The following CEP72 variants were observed in gnomAD, a reference collection of about 807,000 sequenced individuals.
The protein encoded by CEP72 is centrosomal protein 72.
In CEP72, 78 loss-of-function variants were observed where a neutral mutation model predicts 65.7. That is an observed-to-expected ratio of 1.19 (90% CI 0.99 to 1.43). The LOEUF is 1.43. CEP72 is among the 40% of genes most tolerant of loss of function. The probability of loss-of-function intolerance (pLI) is 0.00; values close to 1 mark genes in which losing one functional copy is unlikely to be tolerated. For missense variants in CEP72, 914 were observed against 832.9 expected (o/e 1.10, Z -1.20); for synonymous variants, 358 against 351.7 (o/e 1.02, Z -0.20).
At chr5:643,429 C>T (rs1580002552) in intron 9 of CEP72, 2 of 985,444 alleles carry the variant, frequency 2.0e-6, no homozygotes, top group East Asian at 1.1e-4. Context: ...GGGGAATGGT[C>T]TCAGACCCAG....
rs370124266 is a variant in CEP72 at position 643,530 on chromosome 5, A to G, written c.1540-769A>G. ...GGGTGGGCTCACTGAGCGGAGAAGG[A>G]TGAAGCGGCGATACCCCCAGCACGA... On this transcript the variant is annotated intron_variant, in intron 9 of 11. Transcript: ENST00000264935. The G allele has an allele frequency of 3.7e-4, 360 of 985,350 alleles. 3 individuals carry two copies. The South Asian group carries it at 0.015, about 41-fold the overall frequency. 61.0% of individuals were successfully genotyped at this position (985,350 alleles called of 1,614,324 possible).
chr5:648,879 A>T (rs1738665094), intron 11 of CEP72, among the ~76,000 whole-genome samples: 1 of 93,214 alleles, frequency 1.1e-5, no homozygotes, highest in East Asian at 3.7e-4. Flanking sequence ...TGTGACTGTG[A>T]GGTGTGACTG....
chr5:654,080 A>T (rs1319353002), downstream of CEP72, among the ~76,000 whole-genome samples: 1 of 120,042 alleles, frequency 8.3e-6, no homozygotes, highest in African/African-American at 3.2e-5. Context: ...GTGTGCGCCT[A>T]GTGTGTGTGT....
At chr5:625,026 G>A (rs189944426) in intron 4 of CEP72, among the ~76,000 whole-genome samples, 91 of 152,244 alleles carry the variant, frequency 6.0e-4, no homozygotes, top group Non-Finnish European at 1.0e-3. Flanking sequence ...TTTCTGTGAC[G>A]GTGCCGGGAT....
Position 653,178 on chromosome 5 carries a change from C to T in CEP72, c.*25C>T, listed in dbSNP as rs558582640. The T allele has an allele frequency of 3.2e-6, 5 of 1,560,040 alleles. No individual in the cohort carries two copies. Among genetic ancestry groups the T allele is most frequent in the East Asian group, 4.5e-5 (2 of 44,188 alleles). On this transcript the variant is annotated 3_prime_UTR_variant, in exon 12 of 12. Coordinates refer to ENST00000264935, the MANE Select transcript of CEP72 (RefSeq NM_018140.4). ...ACTCCTGCCGAGAAGCTGGGCCACC[C>T]CTTAAGCTTCCTGGTAAAGTTACAT...
chr5:612,483 C>CGGGGGG, intron 1 of CEP72, 40 bp downstream of exon 1: 2 of 474,314 alleles, frequency 4.2e-6, no homozygotes, highest in Non-Finnish European at 6.9e-6. Flanking sequence ...CGTGAGGTGG[C>CGGGGGG]GGGGGGGTGG....
At chr5:674,768 G>A in the CEP72 span, among the ~76,000 whole-genome samples, 85 of 152,004 alleles carry the variant, frequency 5.6e-4, no homozygotes, top group Admixed American at 2.2e-3. Context: ...CCAGGCAGAG[G>A]CTGCAGGTTT....
intron 4 of CEP72, among the ~76,000 whole-genome samples, chr5:632,180 C>T (rs566105427): frequency 4.0e-4 from 29 of 72,488 alleles, no homozygotes; most frequent in African/African-American, 1.4e-3. Flanking sequence ...TGTCCAGCGC[C>T]GGGATTTGGA....
chr5:619,188 C>T (rs561556908), intron 2 of CEP72, 71 bp downstream of exon 2: 138 of 1,440,170 alleles, frequency 9.6e-5, no homozygotes, highest in Admixed American at 2.3e-4. Flanking sequence ...ACAGCAGAAA[C>T]GGAGTCTGTT....
chr5:637,594 G>A lies in CEP72; in HGVS notation c.982G>A (p.Ala328Thr). 1 of 1,614,052 alleles carries A rather than the reference G, an allele frequency of 6.2e-7. No homozygotes were observed. Among genetic ancestry groups the A allele is most frequent in the Non-Finnish European group, 8.5e-7 (1 of 1,180,038 alleles). ...SGEMVPGPLP[A>T]PGKCRKRRMP... The stretch of plus-strand genomic sequence containing the variant: ...AGAAATGGTGCCTGGTCCCCTGCCA[G>A]CCCCCGGAAAGTGCAGGAAGCGAAG... Residue 328 changes from alanine (A) to threonine (T), a missense_variant, in exon 7 of 12, where the codon GCC (alanine) becomes ACC (threonine). By Grantham distance (58) the Ala-to-Thr change is moderately conservative. Coordinates refer to ENST00000264935, the MANE Select transcript of CEP72 (RefSeq NM_018140.4).
Position 624,744 on chromosome 5 carries a change from G to T in CEP72, c.512+165G>T. ...GCGGGGACTCCGTGGACAGTGGGACGGGGCCTCTCTCCTGTTCTCCACATT... is the reference window on the plus strand; with the variant it reads ...GCGGGGACTCCGTGGACAGTGGGACTGGGCCTCTCTCCTGTTCTCCACATT... On this transcript the variant is annotated intron_variant, in intron 4 of 11. Transcript: ENST00000264935. The surrounding 1 kb of genome is among the most constrained non-coding windows in gnomAD (Gnocchi z 4.7). Among the ~76,000 whole-genome samples, 1 of 152,188 alleles carries T rather than the reference G, an allele frequency of 6.6e-6. No homozygotes were observed. The highest frequency in any genetic ancestry group is 1.5e-5 in the Non-Finnish European group (1 of 68,032).
rs755745266 is a variant in CEP72, at chr5:647,913, A to T, written c.1775A>T (p.His592Leu). ...CTCACGCAGATGCTGCAGGAGAGCCACAGGTGCCTGCCCGTGAGACTTGGG... is the reference window on the plus strand; with the variant it reads ...CTCACGCAGATGCTGCAGGAGAGCCTCAGGTGCCTGCCCGTGAGACTTGGG... ...QELTQMLQES[H>L]SSLVSTNEHL... Residue 592 changes from histidine to leucine, a missense_variant, in exon 11 of 12, where the codon CAC (histidine) becomes CTC (leucine). By Grantham distance (99) the His-to-Leu change is moderately conservative. Transcript: ENST00000264935. 6.2e-7 allele frequency: 1 copy of T among 1,608,670 alleles called. No homozygotes were observed. Among genetic ancestry groups the T allele is most frequent in the Non-Finnish European group, 8.5e-7 (1 of 1,177,582 alleles).
chr5:652,613 G>A (rs57605353), intron 11 of CEP72, among the ~76,000 whole-genome samples: 7,223 of 152,258 alleles, frequency 0.047, 199 homozygotes, highest in Admixed American at 0.076. Context: ...TTCAGTCCCC[G>A]TATATTTTCT....
chr5:637,442 T>G, intron 6 of CEP72, 75 bp from the exon 7 acceptor site: 2 of 1,383,810 alleles, frequency 1.4e-6, no homozygotes, highest in Non-Finnish European at 2.0e-6. Flanking sequence ...ACACATGCCT[T>G]TTAAAAGTTA....
intron 5 of CEP72, 68 bp downstream of exon 5, chr5:634,015 G>C (rs1709550): frequency 0.24 from 342,156 of 1,448,118 alleles, 41,974 homozygotes; most frequent in East Asian, 0.4. Context: ...TCGTTACTGG[G>C]CTTGGAGTCC....
Position 623,749 on chromosome 5 carries a change from C to A in CEP72, c.404-722C>A, listed in dbSNP as rs1736551311. ...TGGAGAGTGCCCCAGGTTGCAGAGG[C>A]CTCTGACTCGGCATCTTTGTGTGAT... On this transcript the variant is annotated intron_variant, in intron 3 of 11. Transcript: ENST00000264935. The surrounding 1 kb of genome is among the most constrained non-coding windows in gnomAD (Gnocchi z 5.3). Among the ~76,000 whole-genome samples the A allele has an allele frequency of 6.6e-6, 1 of 151,964 alleles. No individual in the cohort carries two copies. The highest frequency in any genetic ancestry group is 1.5e-5 in the Non-Finnish European group (1 of 68,016).
intron 4 of CEP72, among the ~76,000 whole-genome samples, chr5:627,390 A>G (rs1305226302): frequency 6.9e-6 from 1 of 144,046 alleles, no homozygotes; most frequent in African/African-American, 2.7e-5. Flanking sequence ...GCATGTTACG[A>G]ATTTTGAACT....
intron 1 of CEP72, among the ~76,000 whole-genome samples, chr5:615,132 CT>C (rs1366608979): frequency 3.0e-5 from 3 of 99,804 alleles, no homozygotes; most frequent in African/African-American, 7.5e-5. Flanking sequence ...TGTAGTCTTC[CT>C]CTTTTTTTTT....
chr5:647,048 T>C (rs1041057777), intron 10 of CEP72, among the ~76,000 whole-genome samples: 2 of 152,216 alleles, frequency 1.3e-5, no homozygotes, highest in African/African-American at 4.8e-5. Flanking sequence ...TACGTGAACA[T>C]GTCCATCGAC....
Sources: gnomAD v4.1 joint callset for allele counts (sites outside exome capture counted in the v4.1 genomes callset) on GRCh38, gnomAD v4.1.1 for gene constraint, Gnocchi (gnomAD v3.1) non-coding constraint, MANE v1.5 for transcripts, NCBI Gene and HGNC (gene_info 2026-07-23, HGNC 2026-07-21) for gene names.